The following SDK1 variants were observed in gnomAD, a reference collection of about 807,000 sequenced individuals.
SDK1 encodes the protein sidekick cell adhesion molecule 1.
A neutral mutation model predicts 245.5 loss-of-function variants in SDK1; 157 were observed. That is an observed-to-expected ratio of 0.64 (90% CI 0.56 to 0.73). SDK1 has a LOEUF of 0.73. Among genes scored for constraint, SDK1 ranks in the 30% least tolerant of loss-of-function variants. The pLI is 0.00. For missense variants in SDK1, 3,583 were observed against 3,002.3 expected, an observed-to-expected ratio of 1.19 and a Z score of -4.52; for synonymous variants, 1,647 against 1,278.5, an observed-to-expected ratio of 1.29 and a Z score of -6.15.
intron 16 of SDK1, among the ~76,000 whole-genome samples, chr7:4,014,905 C>G (rs1033492054): frequency 6.6e-6 from 1 of 152,058 alleles, no homozygotes; most frequent in Non-Finnish European, 1.5e-5. Flanking sequence ...GTGACTGTTC[C>G]GGAGGGGAGC....
chr7:3,571,478 T>A (rs1198858056), intron 1 of SDK1, among the ~76,000 whole-genome samples: 2 of 151,782 alleles, frequency 1.3e-5, no homozygotes, highest in Non-Finnish European at 2.9e-5. Context: ...AATTTAAAAA[T>A]TTTTTTTGTA....
At chr7:3,472,474 G>C (rs1322980380) in intron 1 of SDK1, among the ~76,000 whole-genome samples, 1 of 152,084 alleles carries the variant, frequency 6.6e-6, no homozygotes, top group African/African-American at 2.4e-5. Context: ...AACAATACAT[G>C]GTGAAGATAA....
At chr7:3,676,779 T>G (rs1263855412) in intron 4 of SDK1, among the ~76,000 whole-genome samples, 2 of 152,264 alleles carry the variant, frequency 1.3e-5, no homozygotes, top group Non-Finnish European at 2.9e-5. Flanking sequence ...TAGGGAATCT[T>G]TACTCCATTG....
chr7:3,687,481 C>G lies in SDK1; in HGVS notation c.713+45376C>G, dbSNP rs541442236. Among the ~76,000 whole-genome samples the G allele has an allele frequency of 2.0e-5, 3 of 152,342 alleles. No individual in the cohort carries two copies. The South Asian group carries it at 6.2e-4, about 32-fold the overall frequency. ...AACTGAAAACATCCCAAATGTCCCTCAGCTGGTAACAGATATCGAACCGCA... is the reference window on the plus strand; with the variant it reads ...AACTGAAAACATCCCAAATGTCCCTGAGCTGGTAACAGATATCGAACCGCA... On this transcript the variant is annotated intron_variant, in intron 4 of 44. Transcript: ENST00000404826.
At position 3,611,736 on chromosome 7, in the gene SDK1, G is replaced by A. The variant is rs1290011890; in HGVS notation, c.299-7344G>A. ...TATTTTTTGATTTTTGAAAAATTAT[G>A]GCTATTGATCAGGAAAATGCAAATC... On this transcript the variant is annotated intron_variant, in intron 1 of 44. Transcript: ENST00000404826. 4.0e-5 allele frequency among the ~76,000 whole-genome samples: 6 copies of A among 151,794 alleles called. No homozygotes were observed. The East Asian group carries it at 1.2e-3, about 30-fold the overall frequency.
chr7:4,188,545 GTGTT>G (rs1411924687), intron 35 of SDK1, among the ~76,000 whole-genome samples: 1 of 151,924 alleles, frequency 6.6e-6, no homozygotes, highest in East Asian at 1.9e-4. Context: ...TAATTTTATT[GTGTT>G]TAAGTGGTTG....
chr7:3,979,878 C>T (rs138187677), intron 13 of SDK1, among the ~76,000 whole-genome samples: 20 of 152,282 alleles, frequency 1.3e-4, no homozygotes, highest in African/African-American at 4.6e-4. Flanking sequence ...ATTAGCATTT[C>T]ATCTCTCCTC....
chr7:3,586,635 G>A (rs1407080400), intron 1 of SDK1, among the ~76,000 whole-genome samples: 8 of 151,402 alleles, frequency 5.3e-5, no homozygotes. Context: ...AACCCGGGAG[G>A]TGGAGGTTGC....
At chr7:4,148,347 G>A (rs904065898) in intron 29 of SDK1, among the ~76,000 whole-genome samples, 8 of 152,218 alleles carry the variant, frequency 5.3e-5, no homozygotes, top group Admixed American at 1.3e-4. Flanking sequence ...CTTCCGCCGC[G>A]GAACTTCTCT....
At chr7:3,811,830 C>T (rs1367808201) in intron 4 of SDK1, among the ~76,000 whole-genome samples, 1 of 152,190 alleles carries the variant, frequency 6.6e-6, no homozygotes, top group East Asian at 1.9e-4. Context: ...TTATTAATAC[C>T]TTGTAGGCTA....
intron 1 of SDK1, among the ~76,000 whole-genome samples, chr7:3,434,072 A>G (rs1041304758): frequency 1.3e-5 from 2 of 152,162 alleles, no homozygotes; most frequent in African/African-American, 4.8e-5. Flanking sequence ...CAACAATGAA[A>G]CAGAAACAAG....
chr7:3,420,196 G>A (rs1242567683), intron 1 of SDK1, among the ~76,000 whole-genome samples: 1 of 152,180 alleles, frequency 6.6e-6, no homozygotes, highest in Non-Finnish European at 1.5e-5. Flanking sequence ...TACTATTATA[G>A]CAGAATTAAC....
chr7:3,780,049 C>T (rs1393328527), intron 4 of SDK1, among the ~76,000 whole-genome samples: 3 of 152,026 alleles, frequency 2.0e-5, no homozygotes, highest in African/African-American at 2.4e-5. Context: ...GGTGAACTTG[C>T]AGCTGTCCAC....
intron 3 of SDK1, among the ~76,000 whole-genome samples, chr7:3,641,024 G>C (rs1782633413): frequency 6.6e-6 from 1 of 151,318 alleles, no homozygotes; most frequent in African/African-American, 2.4e-5. Context: ...CCTTTGCTTT[G>C]ATAACAAATT....
Position 4,208,681 on chromosome 7 carries a change from G to C in SDK1, c.5401+396G>C, listed in dbSNP as rs17305543. On this transcript the variant is annotated intron_variant, in intron 37 of 44. Transcript: ENST00000404826. Reference sequence around the variant, plus strand: ...TGGCATGTCCAGATCCTTGGGGGTAGGCTCCTCGGGCAGTAAATCCAGGCC... The same window carrying C: ...TGGCATGTCCAGATCCTTGGGGGTACGCTCCTCGGGCAGTAAATCCAGGCC... 5.9e-3 allele frequency among the ~76,000 whole-genome samples: 905 copies of C among 152,246 alleles called. 7 individuals carry two copies. The highest frequency in any genetic ancestry group is 0.02 in the African/African-American group (846 of 41,566).
chr7:3,610,615 G>A (rs989876421), intron 1 of SDK1, among the ~76,000 whole-genome samples: 13 of 152,214 alleles, frequency 8.5e-5, no homozygotes, highest in African/African-American at 2.9e-4. Context: ...CATAAATATA[G>A]CCATATATGT....
chr7:3,786,968 G>A (rs115887770), intron 4 of SDK1, among the ~76,000 whole-genome samples: 3,020 of 152,056 alleles, frequency 0.02, 112 homozygotes, highest in African/African-American at 0.07. Context: ...AAGAAATAGA[G>A]TATAAACATT....
At chr7:3,948,558 G>A (rs568791362) in intron 5 of SDK1, among the ~76,000 whole-genome samples, 44 of 152,288 alleles carry the variant, frequency 2.9e-4, no homozygotes, top group African/African-American at 8.9e-4. Flanking sequence ...CACCGCGCCC[G>A]GCCACCACTG....
At chr7:4,123,342 G>A (rs1784187917) in intron 25 of SDK1, among the ~76,000 whole-genome samples, 1 of 151,680 alleles carries the variant, frequency 6.6e-6, no homozygotes, top group Admixed American at 6.6e-5. Context: ...TTTTTTTAAT[G>A]TTAGTGCCCC....
Sources: gnomAD v4.1 joint callset for allele counts (sites outside exome capture counted in the v4.1 genomes callset) on GRCh38, gnomAD v4.1.1 for gene constraint, MANE v1.5 for transcripts, NCBI Gene and HGNC (gene_info 2026-07-23, HGNC 2026-07-21) for gene names.